THSD7B: variants seen among roughly 807,000 people sequenced by gnomAD.
THSD7B encodes thrombospondin type-1 domain-containing protein 7B.
A neutral mutation model predicts 213.6 loss-of-function variants in THSD7B; 138 were observed. The ratio of observed to expected loss-of-function variants is 0.65; its 90% CI spans 0.56 to 0.74. The LOEUF is 0.74. Among genes scored for constraint, THSD7B ranks in the 30% least tolerant of loss-of-function variants. The pLI is 0.00. For synonymous variants in THSD7B, 742 were observed against 687.0 expected (o/e 1.08, Z -1.25); for missense variants, 1,931 against 1,991.5 (o/e 0.97, Z 0.58).
chr2:137,667,651 T>A, intron 26 of THSD7B, 123 bp from the exon 27 acceptor site: 1 of 699,014 alleles, frequency 1.4e-6, no homozygotes, highest in Non-Finnish European at 2.4e-6. Flanking sequence ...TTGGCTAAAG[T>A]GCTGCTGTTC....
chr2:137,493,292 T>C (rs1163915545), intron 15 of THSD7B, among the ~76,000 whole-genome samples: 1 of 152,100 alleles, frequency 6.6e-6, no homozygotes, highest in Non-Finnish European at 1.5e-5. Context: ...AGACGTTTCT[T>C]TATAGTTTTA....
chr2:137,092,715 GC>G (rs1373660292), intron 3 of THSD7B, among the ~76,000 whole-genome samples: 2 of 151,946 alleles, frequency 1.3e-5, no homozygotes, highest in Non-Finnish European at 2.9e-5. Flanking sequence ...GCTCACTATA[GC>G]CCCCTCCTCC....
intron 17 of THSD7B, among the ~76,000 whole-genome samples, chr2:137,598,923 T>C (rs1682020992): frequency 6.6e-6 from 1 of 151,326 alleles, no homozygotes; most frequent in African/African-American, 2.4e-5. Flanking sequence ...AGGGTACATG[T>C]GCACATTGTG....
At chr2:137,136,111 A>G (rs2104959033) in intron 5 of THSD7B, among the ~76,000 whole-genome samples, 1 of 152,214 alleles carries the variant, frequency 6.6e-6, no homozygotes, top group African/African-American at 2.4e-5. Flanking sequence ...ATGAGAACAC[A>G]TGGACACAGG....
chr2:136,864,795 G>A (rs183244876), intron 1 of THSD7B, among the ~76,000 whole-genome samples: 4 of 152,108 alleles, frequency 2.6e-5, no homozygotes, highest in East Asian at 1.9e-4. Context: ...CTCATTATCC[G>A]CCCACCTTGG....
intron 5 of THSD7B, among the ~76,000 whole-genome samples, chr2:137,118,351 A>C (rs1309876438): frequency 2.6e-5 from 4 of 152,298 alleles, no homozygotes; most frequent in African/African-American, 7.2e-5. Flanking sequence ...CACTTTCAAA[A>C]TCTAATAAAG....
At chr2:137,485,832 G>A (rs905402281) in intron 15 of THSD7B, among the ~76,000 whole-genome samples, 20 of 152,052 alleles carry the variant, frequency 1.3e-4, no homozygotes, top group Non-Finnish European at 2.6e-4. Flanking sequence ...GAGAGTGGGG[G>A]CCAATATTCA....
intron 12 of THSD7B, among the ~76,000 whole-genome samples, chr2:137,324,868 C>G (rs551775839): frequency 6.6e-6 from 1 of 152,290 alleles, no homozygotes; most frequent in African/African-American, 2.4e-5. Flanking sequence ...TTCTGAGGAC[C>G]TTTCTCCCAG....
At chr2:137,498,254 C>T (rs947704987) in intron 15 of THSD7B, among the ~76,000 whole-genome samples, 2 of 151,784 alleles carry the variant, frequency 1.3e-5, no homozygotes, top group East Asian at 3.9e-4. Context: ...GCCAAGATAC[C>T]GTGTTAGGCA....
chr2:137,197,417 G>A (rs979971737), intron 7 of THSD7B, among the ~76,000 whole-genome samples: 2 of 151,998 alleles, frequency 1.3e-5, no homozygotes, highest in African/African-American at 4.8e-5. Flanking sequence ...TTTTATGTAA[G>A]TCACAAGTAA....
chr2:137,646,877 T>C (rs1683043038), intron 21 of THSD7B, among the ~76,000 whole-genome samples: 1 of 152,118 alleles, frequency 6.6e-6, no homozygotes, highest in Non-Finnish European at 1.5e-5. Flanking sequence ...TCCCTAATGT[T>C]TGTGACTGCT....
At chr2:137,561,270 C>A (rs1410955895) in intron 15 of THSD7B, among the ~76,000 whole-genome samples, 1 of 152,098 alleles carries the variant, frequency 6.6e-6, no homozygotes, top group Non-Finnish European at 1.5e-5. Context: ...GTACATGCAA[C>A]TAAACAAACA....
intron 3 of THSD7B, among the ~76,000 whole-genome samples, chr2:137,064,136 A>G (rs539369548): frequency 6.6e-6 from 1 of 152,038 alleles, no homozygotes; most frequent in South Asian, 2.1e-4. Context: ...GTGTACAGTG[A>G]TTCCCTTTTT....
chr2:136,987,389 T>C (rs986660594), intron 2 of THSD7B, among the ~76,000 whole-genome samples: 47 of 152,034 alleles, frequency 3.1e-4, no homozygotes, highest in Non-Finnish European at 2.9e-5. Flanking sequence ...TTAAAAAATA[T>C]AGAGAAGAGA....
At chr2:136,932,814 G>A (rs59227143) in intron 2 of THSD7B, among the ~76,000 whole-genome samples, 2,226 of 152,208 alleles carry the variant, frequency 0.015, 70 homozygotes, top group African/African-American at 0.051. Flanking sequence ...TTCAAGGTCA[G>A]CTGTTCAGTG....
At chr2:137,462,278 C>T (rs1004627470) in intron 15 of THSD7B, among the ~76,000 whole-genome samples, 6 of 151,978 alleles carry the variant, frequency 3.9e-5, no homozygotes, top group African/African-American at 1.2e-4. Context: ...AAATAAGCAA[C>T]TCTATATCTG....
chr2:137,288,596 CA>C (rs1286123618), intron 12 of THSD7B, among the ~76,000 whole-genome samples: 3 of 151,970 alleles, frequency 2.0e-5, no homozygotes, highest in African/African-American at 7.2e-5. Flanking sequence ...TGGGACTTAA[CA>C]GCTAACTTTA....
At chr2:137,084,853 C>G (rs931462368) in intron 3 of THSD7B, among the ~76,000 whole-genome samples, 1 of 152,076 alleles carries the variant, frequency 6.6e-6, no homozygotes, top group Non-Finnish European at 1.5e-5. Flanking sequence ...CACAGTATAG[C>G]CTATTTTATT....
At position 137,676,662 on chromosome 2, in the gene THSD7B, A is replaced by C; in HGVS notation, c.*57A>C. 6.9e-7 allele frequency: 1 copy of C among 1,452,490 alleles called. No homozygotes were observed. Among genetic ancestry groups the C allele is most frequent in the Non-Finnish European group, 9.2e-7 (1 of 1,085,772 alleles). The allele number at this position is 1,452,490 out of a possible 1,614,324, so 90.0% of individuals were successfully genotyped here. A position where few individuals can be genotyped will look rare whatever the true frequency, so the allele number is the denominator to read the frequency against. ...CTGCCTTAACCGCTTTCTCTTTTGT[A>C]GCTCTCAGACTTCTCAGTTTTTTGA... On this transcript the variant is annotated 3_prime_UTR_variant, in exon 28 of 28. Transcript: ENST00000409968.
Sources: gnomAD v4.1 joint callset for allele counts (sites outside exome capture counted in the v4.1 genomes callset) on GRCh38, gnomAD v4.1.1 for gene constraint, MANE v1.5 for transcripts, NCBI Gene and HGNC (gene_info 2026-07-23, HGNC 2026-07-21) for gene names.